GALK2: variants seen among roughly 807,000 people sequenced by gnomAD.
GALK2 encodes galactokinase 2, also known as N-acetylgalactosamine kinase.
Under a neutral mutation model 52.4 loss-of-function variants are expected in GALK2, and 36 were observed. That is an observed-to-expected ratio of 0.69 (90% CI 0.53 to 0.91). The LOEUF is 0.91. GALK2 is among the 40% of genes least tolerant of loss of function. GALK2 has a pLI of 0.00. For synonymous variants in GALK2, 176 were observed against 199.1 expected (o/e 0.88, Z 0.98); for missense variants, 579 against 559.1 (o/e 1.04, Z -0.36).
chr15:49,255,181 A>G (rs889284801), intron 5 of GALK2, among the ~76,000 whole-genome samples: 5 of 143,108 alleles, frequency 3.5e-5, no homozygotes, highest in Admixed American at 1.4e-4. Flanking sequence ...CTCAATAGTA[A>G]TGTCCTTTAG....
chr15:49,198,684 T>C (rs992200254), intron 1 of GALK2, among the ~76,000 whole-genome samples: 17 of 152,086 alleles, frequency 1.1e-4, no homozygotes, highest in Non-Finnish European at 1.6e-4. Context: ...GAGCTTATTC[T>C]ACTTTCCTCT....
At chr15:49,315,301 A>G (rs1312273581) in intron 8 of GALK2, among the ~76,000 whole-genome samples, 2 of 152,242 alleles carry the variant, frequency 1.3e-5, no homozygotes, top group Non-Finnish European at 1.5e-5. Context: ...CATGCATGCA[A>G]TGAACATAGT....
At chr15:49,360,302 T>C (rs2043984732) in intron 3 of GALK2, among the ~76,000 whole-genome samples, 1 of 152,086 alleles carries the variant, frequency 6.6e-6, no homozygotes, top group Non-Finnish European at 1.5e-5. Context: ...ATAGTAACAT[T>C]GTACTCATTA....
intron 1 of GALK2, chr15:49,199,035 A>AT (rs1281013272): frequency 6.6e-6 from 1 of 152,360 alleles, no homozygotes; most frequent in African/African-American, 2.4e-5. Flanking sequence ...AGGCAACGTG[A>AT]TAATCCCTTG....
chr15:49,309,464 A>G lies in GALK2; in HGVS notation c.968-10140A>G, dbSNP rs544749129. Among the ~76,000 whole-genome samples, 6 of 152,260 alleles carry G rather than the reference A, an allele frequency of 3.9e-5. No individual in the cohort carries two copies. The East Asian group carries it at 9.6e-4, about 24-fold the overall frequency. ...TTTAATTTTTAGTTAACATATGACA[A>G]TTGTGCATATTTATAGGGTACAGAG... On this transcript the variant is annotated intron_variant, in intron 8 of 9. Coordinates refer to ENST00000560031, the MANE Select transcript of GALK2 (RefSeq NM_002044.4).
At chr15:49,288,907 A>C (rs2033653871) in intron 7 of GALK2, among the ~76,000 whole-genome samples, 1 of 152,110 alleles carries the variant, frequency 6.6e-6, no homozygotes, top group South Asian at 2.1e-4. Flanking sequence ...GATGTGAGAG[A>C]AGCTCTGACT....
In GALK2 at chr15:49,359,803, G is replaced by A. The variant is rs181324678; in HGVS notation, c.427-7688G>A. 1.1e-3 allele frequency among the ~76,000 whole-genome samples: 150 copies of A among 137,432 alleles called. 6 individuals are homozygous for A. The East Asian group carries it at 0.017, about 15-fold the overall frequency. 90.2% of individuals were successfully genotyped at this position (137,432 alleles called of 152,430 possible). On this transcript the variant is annotated intron_variant, in intron 3 of 3. Coordinates refer to the GALK2 transcript ENST00000558399. ...ACACATGCACATGTATGTTTATTGC[G>A]TCATTATTCACAATAGCAAAGACTT...
chr15:49,299,735 T>TTTCTTTTCTTTCTTTCTTTC (rs1347140534), intron 8 of GALK2, among the ~76,000 whole-genome samples: 8 of 77,568 alleles, frequency 1.0e-4, no homozygotes, highest in African/African-American at 2.2e-4. Flanking sequence ...TCTTTCTTTC[T>TTTCTTTTCTTTCTTTCTTTC]TTTCTTTCTT....
chr15:49,276,513 T>C (rs1440357221), intron 5 of GALK2, among the ~76,000 whole-genome samples: 2 of 152,254 alleles, frequency 1.3e-5, no homozygotes, highest in African/African-American at 4.8e-5. Flanking sequence ...ATGAAATCTA[T>C]TGAGATTTTA....
upstream of GALK2, among the ~76,000 whole-genome samples, chr15:49,166,603 G>A (rs577925890): frequency 1.2e-3 from 190 of 152,124 alleles, 5 homozygotes; most frequent in South Asian, 0.038. Context: ...CCAGCTACTC[G>A]GGAGGCTGAG....
At chr15:49,361,031 A>G (rs946244625) in intron 3 of GALK2, among the ~76,000 whole-genome samples, 1 of 152,076 alleles carries the variant, frequency 6.6e-6, no homozygotes, top group Non-Finnish European at 1.5e-5. Context: ...GGGTTGCGGA[A>G]TAGGGAGGTT....
At chr15:49,353,845 G>C (rs917401958) in intron 3 of GALK2, 1 of 151,996 alleles carries the variant, frequency 6.6e-6, no homozygotes, top group African/African-American at 2.4e-5. Flanking sequence ...GCATTACTAG[G>C]TTCTTACCAT....
chr15:49,289,716 A>T (rs543706117), intron 7 of GALK2, among the ~76,000 whole-genome samples: 1 of 152,246 alleles, frequency 6.6e-6, no homozygotes, highest in South Asian at 2.1e-4. Flanking sequence ...AGTACACCTC[A>T]TATTGGCGTC....
intron 8 of GALK2, chr15:49,319,160 G>T (rs2036678701): frequency 2.8e-6 from 1 of 358,280 alleles, no homozygotes; most frequent in African/African-American, 2.1e-5. Context: ...CACCATGTTG[G>T]TCAGGCTGGT....
chr15:49,231,475 C>G (rs1455596326), intron 3 of GALK2, among the ~76,000 whole-genome samples: 1 of 152,296 alleles, frequency 6.6e-6, no homozygotes, highest in Non-Finnish European at 1.5e-5. Flanking sequence ...CCTCCCAAGT[C>G]TCAGGTACTC....
Position 49,329,716 on chromosome 15 carries a change from A to C in GALK2, c.*1557A>C. 8.2e-6 allele frequency: 8 copies of C among 973,058 alleles called. No homozygotes were observed. Among genetic ancestry groups the C allele is most frequent in the Non-Finnish European group, 8.5e-6 (7 of 818,840 alleles). The allele number at this position is 973,058 out of a possible 1,614,324, so 60.3% of individuals were successfully genotyped here. On this transcript the variant is annotated 3_prime_UTR_variant, in exon 10 of 10. Transcript: ENST00000560031. ...AAATCTGAAACCTGAATTTATTTAA[A>C]TTTATAATCCTTTATTTTTTAATAC...
intron 1 of GALK2, among the ~76,000 whole-genome samples, chr15:49,185,874 A>G (rs1344888907): frequency 6.6e-6 from 1 of 152,180 alleles, no homozygotes; most frequent in Admixed American, 6.5e-5. Context: ...TTTGCTGGAT[A>G]TACTATTCTA....
chr15:49,268,018 G>A (rs1219135640), intron 5 of GALK2, among the ~76,000 whole-genome samples: 1 of 152,136 alleles, frequency 6.6e-6, no homozygotes, highest in Non-Finnish European at 1.5e-5. Context: ...ATTTATCAGG[G>A]GAAGATTTTT....
At chr15:49,308,660 A>G (rs2035743376) in intron 8 of GALK2, among the ~76,000 whole-genome samples, 1 of 152,238 alleles carries the variant, frequency 6.6e-6, no homozygotes, top group African/African-American at 2.4e-5. Flanking sequence ...AATGAGGGAG[A>G]TGATGGTCCA....
Sources: gnomAD v4.1 joint callset for allele counts (sites outside exome capture counted in the v4.1 genomes callset) on GRCh38, gnomAD v4.1.1 for gene constraint, MANE v1.5 for transcripts, NCBI Gene and HGNC (gene_info 2026-07-23, HGNC 2026-07-21) for gene names.